NSUN6: variants seen among roughly 807,000 people sequenced by gnomAD.
The protein encoded by NSUN6 is NOP2/Sun RNA methyltransferase 6.
NSUN6 carries 64 observed loss-of-function variants against 58.0 expected under a neutral mutation model. That is an observed-to-expected ratio of 1.10 (90% CI 0.90 to 1.36). NSUN6 has a LOEUF of 1.36. Among genes scored for constraint, NSUN6 ranks in the 40% most tolerant of loss-of-function variants. The pLI is 0.00. For missense variants in NSUN6, 701 were observed against 550.1 expected, an observed-to-expected ratio of 1.27 and a Z score of -2.74; for synonymous variants, 231 against 193.9, an observed-to-expected ratio of 1.19 and a Z score of -1.59.
At chr10:18,585,417 C>T (rs1472569048) in intron 8 of NSUN6, among the ~76,000 whole-genome samples, 3 of 152,000 alleles carry the variant, frequency 2.0e-5, no homozygotes, top group African/African-American at 7.2e-5. Context: ...CATCAAGAAA[C>T]GAATGAATAA....
At chr10:18,659,326 G>A, upstream of NSUN6, 1 of 342,366 alleles carries the variant, frequency 2.9e-6, no homozygotes, top group Non-Finnish European at 5.3e-6. Flanking sequence ...GGGTGGTCCT[G>A]GGATCCGGAG....
Position 18,616,433 on chromosome 10 carries a change from T to C in NSUN6, c.312-140A>G, listed in dbSNP as rs1273592898. ...TAAGAAAACGCTGAAAAGAGAGGCA[T>C]ACATATAGAGGAAACAGGAAAAAAC... is the stretch of plus-strand genomic sequence containing the variant. On this transcript the variant is annotated intron_variant, in intron 3 of 10. Transcript: ENST00000377304. The C allele has an allele frequency of 4.1e-5, 22 of 541,670 alleles. No individual in the cohort carries two copies. The East Asian group carries it at 5.4e-4, about 13-fold the overall frequency. The allele number at this position is 541,670 out of a possible 1,614,324, so 33.6% of individuals were successfully genotyped here.
intron 6 of NSUN6, among the ~76,000 whole-genome samples, chr10:18,603,409 C>T (rs1435497641): frequency 6.6e-6 from 1 of 152,074 alleles, no homozygotes; most frequent in Non-Finnish European, 1.5e-5. Flanking sequence ...ATGGAATGTA[C>T]ATATTGGTGG....
At chr10:18,644,206 A>G (rs1295676607) in intron 2 of NSUN6, among the ~76,000 whole-genome samples, 2 of 152,184 alleles carry the variant, frequency 1.3e-5, no homozygotes, top group Non-Finnish European at 2.9e-5. Flanking sequence ...CTTTCTCTAT[A>G]AATGTGCCTT....
At chr10:18,617,559 C>T (rs973651970) in intron 3 of NSUN6, among the ~76,000 whole-genome samples, 4 of 152,142 alleles carry the variant, frequency 2.6e-5, no homozygotes, top group African/African-American at 9.7e-5. Flanking sequence ...ACTTCAAACT[C>T]AACAAGTCCT....
At chr10:18,653,247 C>T (rs1204266425), upstream of NSUN6, 1 of 984,122 alleles carries the variant, frequency 1.0e-6, no homozygotes, top group Non-Finnish European at 1.2e-6. Flanking sequence ...CACTCAAATA[C>T]TTACTGAATG....
rs1288871117 is a variant in NSUN6 at position 18,576,078 on chromosome 10, G to T, written c.922+9871C>A. ...ATCACAACTGAGTCAAGAAAGCGCT[G>T]CCCCATCCAGAGTCATGGGCCATAG... is the stretch of plus-strand genomic sequence containing the variant. On this transcript the variant is annotated intron_variant, in intron 8 of 10. Transcript: ENST00000377304. 5.3e-5 allele frequency among the ~76,000 whole-genome samples: 8 copies of T among 152,078 alleles called. No individual in the cohort carries two copies. In the South Asian group the frequency reaches 1.7e-3, roughly 32 times the overall value.
chr10:18,648,814 C>A lies in NSUN6; in HGVS notation c.76-169G>T, dbSNP rs180673354. On this transcript the variant is annotated intron_variant, in intron 1 of 10. Transcript: ENST00000377304. Reference sequence around the variant, plus strand: ...CAACTAAGGAAATAGTAATACTTCACGGGGTTCTTGGGCTTCAACATGGTA... The same window carrying A: ...CAACTAAGGAAATAGTAATACTTCAAGGGGTTCTTGGGCTTCAACATGGTA... Among the ~76,000 whole-genome samples the A allele has an allele frequency of 8.1e-4, 124 of 152,224 alleles. 2 individuals are homozygous for A. The highest frequency in any genetic ancestry group is 2.8e-3 in the African/African-American group (116 of 41,542).
chr10:18,624,443 AG>A (rs1330831062), intron 3 of NSUN6, among the ~76,000 whole-genome samples: 2 of 151,822 alleles, frequency 1.3e-5, no homozygotes, highest in African/African-American at 4.8e-5. Context: ...TGGGAGGCTG[AG>A]GAGGGTGGAT....
intron 7 of NSUN6, among the ~76,000 whole-genome samples, chr10:18,592,873 A>G (rs2057430827): frequency 6.6e-6 from 1 of 152,228 alleles, no homozygotes; most frequent in Non-Finnish European, 1.5e-5. Context: ...ATCTAATTAA[A>G]CTAAAGAGCT....
intron 8 of NSUN6, among the ~76,000 whole-genome samples, chr10:18,570,797 ACCATCCTCCATT>A (rs2056315211): frequency 8.2e-6 from 1 of 121,978 alleles, no homozygotes; most frequent in Non-Finnish European, 1.8e-5. Context: ...CATTCTCCAT[ACCATCCTCCATT>A]CCACTCTATT....
At chr10:18,608,622 G>C (rs11597110) in intron 6 of NSUN6, among the ~76,000 whole-genome samples, 23,850 of 137,966 alleles carry the variant, frequency 0.17, 2,107 homozygotes, top group Admixed American at 0.21. Context: ...CTGCGTGACA[G>C]AGTAAGATCC....
intron 6 of NSUN6, among the ~76,000 whole-genome samples, chr10:18,607,825 T>G (rs564652091): frequency 2.0e-5 from 3 of 152,338 alleles, no homozygotes; most frequent in African/African-American, 7.2e-5. Context: ...AACAAACTAC[T>G]CCTTTAATCA....
intron 3 of NSUN6, among the ~76,000 whole-genome samples, chr10:18,624,274 C>T (rs2058709089): frequency 1.3e-5 from 2 of 151,314 alleles, no homozygotes; most frequent in Admixed American, 1.3e-4. Flanking sequence ...ATTTTCAATC[C>T]CCATTTTAGA....
At chr10:18,601,538 C>T (rs990869669) in intron 6 of NSUN6, among the ~76,000 whole-genome samples, 2 of 152,138 alleles carry the variant, frequency 1.3e-5, no homozygotes, top group African/African-American at 4.8e-5. Flanking sequence ...TGGACTAAGA[C>T]ATAACAGTTA....
intron 6 of NSUN6, among the ~76,000 whole-genome samples, chr10:18,597,795 A>T (rs4475830): frequency 0.62 from 94,111 of 151,940 alleles, 29,546 homozygotes; most frequent in East Asian, 0.98. Flanking sequence ...AATACATACA[A>T]ACATACAAAA....
At chr10:18,587,120 A>C (rs2057184700) in intron 7 of NSUN6, among the ~76,000 whole-genome samples, 1 of 152,156 alleles carries the variant, frequency 6.6e-6, no homozygotes, top group South Asian at 2.1e-4. Flanking sequence ...AATCAACAAA[A>C]CTCAACACCA....
intron 2 of NSUN6, among the ~76,000 whole-genome samples, chr10:18,646,314 G>C (rs955814202): frequency 3.3e-5 from 5 of 152,066 alleles, no homozygotes; most frequent in African/African-American, 1.2e-4. Context: ...CAACGTGAAA[G>C]GAAAAAGAAA....
At chr10:18,578,938 T>C (rs565678128) in intron 8 of NSUN6, among the ~76,000 whole-genome samples, 1 of 152,324 alleles carries the variant, frequency 6.6e-6, no homozygotes, top group Admixed American at 6.5e-5. Context: ...ATGTGTCATC[T>C]CTGCATTCAC....
Sources: allele counts gnomAD v4.1 joint callset (sites outside exome capture counted in the v4.1 genomes callset), GRCh38; gene constraint gnomAD v4.1.1; transcripts MANE v1.5; gene names NCBI Gene and HGNC (gene_info 2026-07-23, HGNC 2026-07-21).